The following GALNS variants were observed in gnomAD, a reference collection of about 807,000 sequenced individuals.
The protein encoded by GALNS is N-acetylgalactosamine-6-sulfatase.
A neutral mutation model predicts 65.9 loss-of-function variants in GALNS; 65 were observed. The ratio of observed to expected loss-of-function variants is 0.99; its 90% CI spans 0.81 to 1.21. GALNS has a LOEUF of 1.21. Ranked by LOEUF, GALNS falls within the 50% of genes most tolerant of loss-of-function variation. The probability of loss-of-function intolerance (pLI) is 0.00; values close to 1 mark genes in which losing one functional copy is unlikely to be tolerated. For missense variants in GALNS, 776 were observed against 700.7 expected (o/e 1.11, Z -1.21); for synonymous variants, 346 against 288.9 (o/e 1.20, Z -2.00).
intron 11 of GALNS, among the ~76,000 whole-genome samples, chr16:88,823,340 G>A (rs965072117): frequency 2.0e-5 from 3 of 152,244 alleles, no homozygotes; most frequent in African/African-American, 7.2e-5. Flanking sequence ...GAAGGGCAAG[G>A]ATTTTACAGT....
chr16:88,828,014 C>T (rs943920387), intron 9 of GALNS, among the ~76,000 whole-genome samples: 2 of 152,244 alleles, frequency 1.3e-5, no homozygotes, highest in Non-Finnish European at 2.9e-5. Flanking sequence ...CAGGGACACT[C>T]ACTCCGCGCT....
At chr16:88,855,561 GC>G (rs1967783367) in intron 1 of GALNS, 2 of 694,058 alleles carry the variant, frequency 2.9e-6, no homozygotes, top group Non-Finnish European at 5.3e-6. Flanking sequence ...AAAAGCAGCT[GC>G]CCAGGACTGT....
rs184943170 is a variant in GALNS at position 88,843,483 on chromosome 16, C to T, written c.121-654G>A. On this transcript the variant is annotated intron_variant, in intron 1 of 13. Transcript: ENST00000268695. ...GCCGGCGTGTACTACGTGGGTGTGG[C>T]CACATTTGGAAGTAGGGTCTCTGCA... 4.0e-3 allele frequency: 1,324 copies of T among 332,970 alleles called. 4 individuals are homozygous for T. The highest frequency in any genetic ancestry group is 6.2e-3 in the Non-Finnish European group (1,040 of 167,582). The allele number at this position is 332,970 out of a possible 1,614,324, so 20.6% of individuals were successfully genotyped here.
chr16:88,854,750 C>T (rs1428928941), intron 1 of GALNS, among the ~76,000 whole-genome samples: 2 of 152,248 alleles, frequency 1.3e-5, no homozygotes, highest in Non-Finnish European at 2.9e-5. Flanking sequence ...AAAGGGGAAA[C>T]TCGCCAGGCG....
At position 88,818,093 on chromosome 16, in the gene GALNS, T is replaced by C; in HGVS notation, c.1396A>G (p.Ser466Gly). The C allele has an allele frequency of 6.4e-7, 1 of 1,573,788 alleles. No homozygotes were observed. The highest frequency in any genetic ancestry group is 8.6e-7 in the Non-Finnish European group (1 of 1,166,374). ...TGCTGGACGACCGAGGTGATCCTGCTGAGGGCCTCCTGGTACTCGGCGCTG... is the reference window on the plus strand; with the variant it reads ...TGCTGGACGACCGAGGTGATCCTGCCGAGGGCCTCCTGGTACTCGGCGCTG... ...FASAEYQEAL[S>G]RITSVVQQHQ... Residue 466 changes from serine (S) to glycine (G), a missense_variant, in exon 13 of 14, where the codon AGC (serine) becomes GGC (glycine). Ser to Gly is a moderately conservative substitution (Grantham distance 56). Coordinates refer to ENST00000268695, the MANE Select transcript of GALNS (RefSeq NM_000512.5).
chr16:88,834,795 GC>G (rs1318003944), intron 8 of GALNS, among the ~76,000 whole-genome samples: 2 of 152,150 alleles, frequency 1.3e-5, no homozygotes, highest in African/African-American at 4.8e-5. Context: ...CATGGAGGCA[GC>G]CCGGCCCCTG....
At chr16:88,834,183 G>A (rs1310147342) in intron 8 of GALNS, among the ~76,000 whole-genome samples, 1 of 152,256 alleles carries the variant, frequency 6.6e-6, no homozygotes, top group African/African-American at 2.4e-5. Flanking sequence ...GGTGGGACGT[G>A]GCGCGAGGGA....
In GALNS at chr16:88,836,140, G is replaced by A. The variant is rs1322832361; in HGVS notation, c.633+61C>T. 2.0e-6 allele frequency: 3 copies of A among 1,470,004 alleles called. No homozygotes were observed. The Admixed American group carries it at 5.2e-5, about 26-fold the overall frequency. 91.1% of individuals were successfully genotyped at this position (1,470,004 alleles called of 1,614,324 possible). A position where few individuals can be genotyped will look rare whatever the true frequency, so the allele number is the denominator to read the frequency against. The stretch of plus-strand genomic sequence containing the variant: ...TGTCCCCACGCCTCCCACAGGATGA[G>A]GTTGGTGCGGTCCCCGTCCCCATGC... On this transcript the variant is annotated intron_variant, in intron 6 of 13. Transcript: ENST00000268695.
intron 12 of GALNS, among the ~76,000 whole-genome samples, chr16:88,821,946 G>A (rs572338871): frequency 2.6e-5 from 4 of 152,188 alleles, no homozygotes; most frequent in East Asian, 1.9e-4. Context: ...GCTGGGGTGA[G>A]GGGGGGAAGC....
intron 1 of GALNS, among the ~76,000 whole-genome samples, chr16:88,848,902 T>C (rs1967380155): frequency 6.6e-6 from 1 of 152,200 alleles, no homozygotes; most frequent in African/African-American, 2.4e-5. Flanking sequence ...TTGGTCTTTG[T>C]CTGGATGCAA....
chr16:88,830,794 C>G (rs543937464), intron 9 of GALNS, among the ~76,000 whole-genome samples: 6 of 152,250 alleles, frequency 3.9e-5, no homozygotes, highest in African/African-American at 1.4e-4. Context: ...GCACCCCATG[C>G]GGCAGACAGA....
intron 1 of GALNS, chr16:88,844,431 C>G (rs964781843): frequency 6.6e-6 from 1 of 152,244 alleles, no homozygotes; most frequent in African/African-American, 2.4e-5. Context: ...TTTGGCTCTC[C>G]TCGGATCCTC....
At chr16:88,824,189 G>A (rs1348726687) in intron 11 of GALNS, among the ~76,000 whole-genome samples, 1 of 152,178 alleles carries the variant, frequency 6.6e-6, no homozygotes, top group Admixed American at 6.5e-5. Context: ...GAGGGGCTGG[G>A]GGATGCTGGA....
intron 1 of GALNS, among the ~76,000 whole-genome samples, chr16:88,854,097 G>A (rs552274458): frequency 1.4e-4 from 22 of 152,358 alleles, no homozygotes; most frequent in African/African-American, 5.0e-4. Flanking sequence ...AGACTGGGCT[G>A]GAGGCAGCCG....
At chr16:88,828,630 C>T (rs932358749) in intron 9 of GALNS, among the ~76,000 whole-genome samples, 1 of 152,226 alleles carries the variant, frequency 6.6e-6, no homozygotes, top group Non-Finnish European at 1.5e-5. Flanking sequence ...GGTTTCCCTT[C>T]CTCAGGTGGG....
intron 1 of GALNS, 26 bp from the exon 2 acceptor site, chr16:88,842,855 G>A: frequency 1.9e-6 from 3 of 1,611,240 alleles, no homozygotes; most frequent in Non-Finnish European, 2.5e-6. Flanking sequence ...CGGGGAGGAG[G>A]AATGAGCGCC....
At chr16:88,817,951 G>T (rs1909807408) in intron 13 of GALNS, 56 bp downstream of exon 13, 2 of 1,401,928 alleles carry the variant, frequency 1.4e-6, no homozygotes, top group Non-Finnish European at 9.8e-7. Flanking sequence ...CCTGGGCCCC[G>T]GGTGGGTGGC....
chr16:88,853,589 G>A (rs945962991), intron 1 of GALNS, among the ~76,000 whole-genome samples: 1 of 152,200 alleles, frequency 6.6e-6, no homozygotes, highest in East Asian at 1.9e-4. Flanking sequence ...AAGGAGTGGA[G>A]ACACAGAGTG....
chr16:88,832,237 CCGAG>C, intron 8 of GALNS, 136 bp from the exon 9 acceptor site: 1 of 810,726 alleles, frequency 1.2e-6, no homozygotes, highest in South Asian at 1.5e-5. Context: ...AGTGCATGAT[CCGAG>C]CCTCGGGGTG....
Sources: allele counts gnomAD v4.1 joint callset (sites outside exome capture counted in the v4.1 genomes callset), GRCh38; gene constraint gnomAD v4.1.1; transcripts MANE v1.5; gene names NCBI Gene and HGNC (gene_info 2026-07-23, HGNC 2026-07-21).